Variants in THAP12 observed in about 807,000 individuals in gnomAD.
THAP12 encodes THAP domain containing 12.
THAP12 carries 20 observed loss-of-function variants against 63.0 expected under a neutral mutation model. The ratio of observed to expected loss-of-function variants is 0.32; its 90% CI spans 0.22 to 0.46. The LOEUF (loss-of-function observed/expected upper bound fraction) is 0.46. THAP12 is among the 20% of genes least tolerant of loss of function. The pLI, the probability that THAP12 is intolerant of heterozygous loss-of-function variation, is 1.00. For synonymous variants in THAP12, 264 were observed against 328.4 expected (o/e 0.80, Z 2.12); for missense variants, 568 against 908.2 (o/e 0.63, Z 4.81).
intron 3 of THAP12, chr11:76,356,544 C>T (rs1359429680): frequency 1.3e-5 from 2 of 152,184 alleles, no homozygotes; most frequent in Non-Finnish European, 2.9e-5. Context: ...TATTACACTT[C>T]ATATCTATGG....
intron 1 of THAP12, among the ~76,000 whole-genome samples, chr11:76,372,589 T>C (rs369189608): frequency 8.6e-6 from 1 of 116,728 alleles, no homozygotes; most frequent in Non-Finnish European, 1.8e-5. Flanking sequence ...CTGTTACATT[T>C]AAAAAAAAAA....
At chr11:76,358,093 T>C (rs923406516) in intron 3 of THAP12, 1 of 151,416 alleles carries the variant, frequency 6.6e-6, no homozygotes, top group Non-Finnish European at 1.5e-5. Flanking sequence ...AGAATGGCAA[T>C]CAAAACTTTC....
chr11:76,379,661 C>A (rs1282192277), intron 1 of THAP12, among the ~76,000 whole-genome samples: 2 of 152,170 alleles, frequency 1.3e-5, no homozygotes, highest in Non-Finnish European at 2.9e-5. Context: ...TTGTGCGTCC[C>A]TTGATACTAC....
At chr11:76,365,448 G>C (rs1261747759) in intron 2 of THAP12, among the ~76,000 whole-genome samples, 1 of 152,014 alleles carries the variant, frequency 6.6e-6, no homozygotes, top group Non-Finnish European at 1.5e-5. Context: ...GTAGTGGCAT[G>C]AACACAACTC....
At chr11:76,355,773 A>G in intron 3 of THAP12, 119 bp from the exon 4 acceptor site, 1 of 818,890 alleles carries the variant, frequency 1.2e-6, no homozygotes, top group Non-Finnish European at 1.8e-6. Flanking sequence ...TTCTTTCAAG[A>G]GCATAAATTC....
At chr11:76,378,598 C>A (rs184290944) in intron 1 of THAP12, among the ~76,000 whole-genome samples, 105 of 145,160 alleles carry the variant, frequency 7.2e-4, no homozygotes, top group African/African-American at 2.5e-3. Flanking sequence ...GACATCTATT[C>A]TTTTTTTTTT....
At chr11:76,374,582 AG>A (rs1397049013) in intron 1 of THAP12, among the ~76,000 whole-genome samples, 4 of 152,200 alleles carry the variant, frequency 2.6e-5, no homozygotes, top group African/African-American at 9.6e-5. Flanking sequence ...CTGAACACTC[AG>A]ATCTGAATAA....
chr11:76,363,271 A>G (rs1590802868), intron 2 of THAP12, among the ~76,000 whole-genome samples: 2 of 152,354 alleles, frequency 1.3e-5, no homozygotes, highest in East Asian at 3.9e-4. Flanking sequence ...TGCTGAATTA[A>G]GGTTTGAGCA....
At chr11:76,359,393 TAA>T (rs2134503338) in intron 3 of THAP12, 1 of 152,300 alleles carries the variant, frequency 6.6e-6, no homozygotes, top group African/African-American at 2.4e-5. Context: ...ACTGTAACAG[TAA>T]ACTAGTAATA....
At position 76,380,551 on chromosome 11, in the gene THAP12, C is replaced by A. The variant is rs1946747848; in HGVS notation, c.89+197G>T. 3.3e-5 allele frequency among the ~76,000 whole-genome samples: 5 copies of A among 152,170 alleles called. No homozygotes were observed. In the South Asian group the frequency reaches 1.0e-3, roughly 31 times the overall value. On this transcript the variant is annotated intron_variant, in intron 1 of 4. Transcript: ENST00000260045. Reference sequence around the variant, plus strand: ...AGAGCCCCCACCAGCGCACGTGCTCCGAGGTCCCCGGACGCCCGCCCGCCC... The same window carrying A: ...AGAGCCCCCACCAGCGCACGTGCTCAGAGGTCCCCGGACGCCCGCCCGCCC...
intron 3 of THAP12, 94 bp downstream of exon 3, chr11:76,360,858 TAGAG>T (rs1252013017): frequency 3.7e-6 from 3 of 802,122 alleles, no homozygotes; most frequent in South Asian, 3.3e-5. Context: ...ACCTCTGAAA[TAGAG>T]AGTAATTTGG....
chr11:76,352,329 T>C lies in THAP12; in HGVS notation c.821A>G (p.Glu274Gly), dbSNP rs755725512. 2 of 1,611,974 alleles carry C rather than the reference T, an allele frequency of 1.2e-6. No individual in the cohort carries two copies. The highest frequency in any genetic ancestry group is 1.7e-6 in the Non-Finnish European group (2 of 1,179,838). ...AAACCTCACCAACACAGGTAGGTGC[T>C]CTTCCCCTGCTATGTCCACTACATC... ...TDDVVDIAGE[E>G]HLPVLVRFVD... The change falls in exon 5 of 5, where the codon GAG (glutamate) becomes GGG (glycine). Residue 274 changes from glutamate to glycine, a missense_variant. Transcript: ENST00000260045.
Position 76,376,293 on chromosome 11 carries a change from A to G in THAP12, c.89+4455T>C, listed in dbSNP as rs1353296640. Among the ~76,000 whole-genome samples, 3 of 152,370 alleles carry G rather than the reference A, an allele frequency of 2.0e-5. No individual in the cohort carries two copies. The East Asian group carries it at 5.8e-4, about 29-fold the overall frequency. ...TGAATTATATGTGAATTGCATCTCAATAAACATCTTTTTAAAAAGAAATTC... is the reference window on the plus strand; with the variant it reads ...TGAATTATATGTGAATTGCATCTCAGTAAACATCTTTTTAAAAAGAAATTC... On this transcript the variant is annotated intron_variant, in intron 1 of 4. Transcript: ENST00000260045.
At chr11:76,365,405 G>A (rs891989047) in intron 2 of THAP12, among the ~76,000 whole-genome samples, 4 of 151,586 alleles carry the variant, frequency 2.6e-5, no homozygotes, top group Non-Finnish European at 4.4e-5. Context: ...TTTTTTTCCA[G>A]ACAAGCGCTC....
intron 1 of THAP12, among the ~76,000 whole-genome samples, chr11:76,376,747 ATC>A (rs1946714122): frequency 6.7e-6 from 1 of 149,154 alleles, no homozygotes; most frequent in South Asian, 2.1e-4. Context: ...ATTTCACTAG[ATC>A]TAAACACTTC....
chr11:76,372,027 G>T (rs1946678098), intron 1 of THAP12, among the ~76,000 whole-genome samples: 1 of 151,974 alleles, frequency 6.6e-6, no homozygotes, highest in Admixed American at 6.6e-5. Context: ...TGGCCAGGCT[G>T]GTCTCGAACC....
chr11:76,350,390 T>C lies in THAP12; in HGVS notation c.*474A>G, dbSNP rs1370851695. On this transcript the variant is annotated 3_prime_UTR_variant, in exon 5 of 5. Coordinates refer to ENST00000260045, the MANE Select transcript of THAP12 (RefSeq NM_004705.4). ...CTTGTTTGGTGAGCTCACAAGCTTT[T>C]CTCCGGTAATTTCTTGTAACTGTCC... 1.3e-5 allele frequency: 2 copies of C among 152,518 alleles called. No individual in the cohort carries two copies. Among genetic ancestry groups the C allele is most frequent in the African/African-American group, 4.8e-5 (2 of 41,478 alleles). 9.4% of individuals were successfully genotyped at this position (152,518 alleles called of 1,614,324 possible).
At position 76,352,435 on chromosome 11, in the gene THAP12, G is replaced by A; in HGVS notation, c.715C>T (p.Leu239=). ...FCSKTQQRQM[L]EICESCIREE... ...CGAATACAGCTCTCACAGATCTCTA[G>A]CATCTGCCTCTGCTGTGTTTTTGAA... The change falls in exon 5 of 5, where the codon CTA becomes TTA. Residue 239 remains leucine (L), a synonymous_variant. Coordinates refer to ENST00000260045, the MANE Select transcript of THAP12 (RefSeq NM_004705.4). 3 of 1,611,870 alleles carry A rather than the reference G, an allele frequency of 1.9e-6. No homozygotes were observed. Among genetic ancestry groups the A allele is most frequent in the Non-Finnish European group, 2.5e-6 (3 of 1,179,788 alleles).
rs1406733818 is a variant in THAP12, at chr11:76,352,014, A to G, written c.1136T>C (p.Val379Ala). 1.2e-6 allele frequency: 2 copies of G among 1,610,084 alleles called. No individual in the cohort carries two copies. The highest frequency in any genetic ancestry group is 2.7e-5 in the African/African-American group (2 of 74,872). Residue 379 changes from valine (V) to alanine (A), a missense_variant, in exon 5 of 5, where the codon GTT becomes GCT. Coordinates refer to ENST00000260045, the MANE Select transcript of THAP12 (RefSeq NM_004705.4). ...AKSVPVMGVS[V>A]ALGTIEEVCS... The stretch of plus-strand genomic sequence containing the variant: ...AACTTCCTCAATTGTTCCTAATGCA[A>G]CAGATACTCCCATAACAGGTACTGA...
Sources: allele counts gnomAD v4.1 joint callset (sites outside exome capture counted in the v4.1 genomes callset), GRCh38; gene constraint gnomAD v4.1.1; transcripts MANE v1.5; gene names NCBI Gene and HGNC (gene_info 2026-07-23, HGNC 2026-07-21).